Variants in DLG2 observed in about 807,000 individuals in gnomAD.
DLG2 encodes the protein disks large homolog 2.
In DLG2, 45 loss-of-function variants were observed where a neutral mutation model predicts 132.5. The observed-to-expected ratio is 0.34, with a 90% CI of 0.27 to 0.44. The LOEUF (loss-of-function observed/expected upper bound fraction) is 0.44, where lower values mean the gene tolerates loss of function less well. Among genes scored for constraint, DLG2 ranks in the 20% least tolerant of loss-of-function variants. The pLI, the probability that DLG2 is intolerant of heterozygous loss-of-function variation, is 1.00. For synonymous variants in DLG2, 424 were observed against 419.6 expected (o/e 1.01, Z -0.13); for missense variants, 1,045 against 1,196.9 (o/e 0.87, Z 1.87).
chr11:84,194,249 C>T (rs901728514), intron 8 of DLG2, among the ~76,000 whole-genome samples: 1 of 152,174 alleles, frequency 6.6e-6, no homozygotes, highest in Non-Finnish European at 1.5e-5. Flanking sequence ...CGCTGACTTT[C>T]AAGAATGAAG....
chr11:83,701,281 A>G (rs984184430), intron 18 of DLG2, among the ~76,000 whole-genome samples: 12 of 152,154 alleles, frequency 7.9e-5, no homozygotes, highest in Admixed American at 6.5e-5. Flanking sequence ...ATTTCCCATC[A>G]ATAAAATTAG....
intron 8 of DLG2, among the ~76,000 whole-genome samples, chr11:84,250,384 T>C (rs2097355996): frequency 6.6e-6 from 1 of 152,198 alleles, no homozygotes; most frequent in Non-Finnish European, 1.5e-5. Context: ...TACTTTGTGC[T>C]AGGTACTGTT....
At chr11:84,170,052 T>C (rs1040367315) in intron 8 of DLG2, among the ~76,000 whole-genome samples, 4 of 152,166 alleles carry the variant, frequency 2.6e-5, no homozygotes, top group Admixed American at 2.0e-4. Flanking sequence ...AGAGCACAGG[T>C]TGTATATTAA....
At chr11:83,948,757 A>G (rs907907241) in intron 14 of DLG2, among the ~76,000 whole-genome samples, 2 of 152,186 alleles carry the variant, frequency 1.3e-5, no homozygotes, top group Non-Finnish European at 2.9e-5. Context: ...CTAGCTATGC[A>G]GGCAAGGACT....
chr11:84,572,231 T>C (rs1473441096), intron 6 of DLG2, among the ~76,000 whole-genome samples: 1 of 152,190 alleles, frequency 6.6e-6, no homozygotes, highest in Non-Finnish European at 1.5e-5. Context: ...AATCTGATGT[T>C]GTAGATTACA....
chr11:83,963,092 C>T, intron 13 of DLG2, 69 bp from the exon 14 acceptor site: 1 of 1,515,724 alleles, frequency 6.6e-7, no homozygotes, highest in Non-Finnish European at 9.1e-7. Flanking sequence ...TGCTATACTT[C>T]AGAAAAATGT....
intron 6 of DLG2, among the ~76,000 whole-genome samples, chr11:84,733,562 A>G (rs2063438255): frequency 2.0e-5 from 3 of 152,182 alleles, no homozygotes. Flanking sequence ...AGTAGATTGC[A>G]AAAATTTTCT....
chr11:84,409,860 G>A (rs1311842975), intron 7 of DLG2, among the ~76,000 whole-genome samples: 3 of 151,988 alleles, frequency 2.0e-5, no homozygotes, highest in African/African-American at 4.8e-5. Flanking sequence ...TCCCTTCACC[G>A]GGAAGGCCAG....
At chr11:84,110,021 G>C (rs1277984454) in intron 9 of DLG2, among the ~76,000 whole-genome samples, 1 of 152,078 alleles carries the variant, frequency 6.6e-6, no homozygotes, top group East Asian at 1.9e-4. Context: ...AACATCTTTA[G>C]TTCTCCTCAT....
intron 6 of DLG2, among the ~76,000 whole-genome samples, chr11:84,777,226 C>T: frequency 1.2e-5 from 1 of 82,128 alleles, no homozygotes; most frequent in Admixed American, 1.5e-4. Flanking sequence ...GATGTAATTT[C>T]ATTCTTTTTG....
chr11:85,170,312 C>A (rs968281646), intron 4 of DLG2, among the ~76,000 whole-genome samples: 5 of 152,070 alleles, frequency 3.3e-5, no homozygotes, highest in African/African-American at 1.2e-4. Flanking sequence ...ATTCTTTCCC[C>A]CCACATATAC....
At chr11:84,860,209 G>A (rs549822292) in intron 6 of DLG2, among the ~76,000 whole-genome samples, 49 of 152,082 alleles carry the variant, frequency 3.2e-4, no homozygotes, top group African/African-American at 1.2e-3. Flanking sequence ...TAAATGATAC[G>A]CCTCCTCAAC....
chr11:83,574,691 A>G lies in DLG2; in HGVS notation c.1941-32833T>C, dbSNP rs566508453. On this transcript the variant is annotated intron_variant, in intron 19 of 27. Transcript: ENST00000376104. Reference sequence around the variant, plus strand: ...GAGCTGCTACCTCTGCCATAACTAGAAGATGAGTAATCAAGAACCTCCCAT... The same window carrying G: ...GAGCTGCTACCTCTGCCATAACTAGGAGATGAGTAATCAAGAACCTCCCAT... Among the ~76,000 whole-genome samples, 22 of 152,330 alleles carry G rather than the reference A, an allele frequency of 1.4e-4. No homozygotes were observed. The South Asian group carries it at 2.7e-3, about 19-fold the overall frequency.
intron 11 of DLG2, among the ~76,000 whole-genome samples, chr11:83,981,606 T>G (rs998999230): frequency 6.6e-6 from 1 of 152,108 alleles, no homozygotes; most frequent in Non-Finnish European, 1.5e-5. Context: ...CATGTCTGAC[T>G]ACTTTTTTAA....
chr11:83,611,546 C>T (rs947801874), intron 19 of DLG2, among the ~76,000 whole-genome samples: 1 of 152,186 alleles, frequency 6.6e-6, no homozygotes, highest in East Asian at 1.9e-4. Context: ...AGCTCTAACA[C>T]AGGATCCTTT....
At chr11:84,123,600 G>A (rs969316804) in intron 9 of DLG2, among the ~76,000 whole-genome samples, 1 of 152,068 alleles carries the variant, frequency 6.6e-6, no homozygotes, top group South Asian at 2.1e-4. Context: ...ATCCAACTCT[G>A]TAGTAAATTG....
At chr11:84,201,194 T>G (rs1263730183) in intron 8 of DLG2, among the ~76,000 whole-genome samples, 1 of 152,168 alleles carries the variant, frequency 6.6e-6, no homozygotes, top group Non-Finnish European at 1.5e-5. Context: ...CCACCTCTAT[T>G]GAGATAATCA....
chr11:83,745,548 A>T (rs1459270853), intron 18 of DLG2, among the ~76,000 whole-genome samples: 1 of 152,166 alleles, frequency 6.6e-6, no homozygotes, highest in African/African-American at 2.4e-5. Context: ...CAGTGGCTGT[A>T]ATCCCAGCGC....
At chr11:84,074,568 G>A (rs1421672751) in intron 10 of DLG2, among the ~76,000 whole-genome samples, 11 of 143,780 alleles carry the variant, frequency 7.7e-5, no homozygotes, top group South Asian at 4.3e-4. Context: ...TTGCTCTGTC[G>A]CCCAGGCTGG....
Sources: allele counts gnomAD v4.1 joint callset (sites outside exome capture counted in the v4.1 genomes callset), GRCh38; gene constraint gnomAD v4.1.1; transcripts MANE v1.5; gene names NCBI Gene and HGNC (gene_info 2026-07-23, HGNC 2026-07-21).